Variants in APMAP observed in about 807,000 individuals in gnomAD.
APMAP encodes the protein adipocyte plasma membrane associated protein, also known as adipocyte plasma membrane-associated protein.
Under a neutral mutation model 43.6 loss-of-function variants are expected in APMAP, and 33 were observed. That is an observed-to-expected ratio of 0.76 (90% CI 0.57 to 1.01). The LOEUF (loss-of-function observed/expected upper bound fraction) is 1.01, where lower values mean the gene tolerates loss of function less well. Among genes scored for constraint, APMAP ranks in the 50% least tolerant of loss-of-function variants. The pLI is 0.00. For missense variants in APMAP, 498 were observed against 540.7 expected (o/e 0.92, Z 0.78); for synonymous variants, 224 against 216.7 (o/e 1.03, Z -0.30).
At chr20:24,971,646 G>T in intron 4 of APMAP, 70 bp from the exon 5 acceptor site, 1 of 1,253,532 alleles carries the variant, frequency 8.0e-7, no homozygotes, top group Non-Finnish European at 1.2e-6. Flanking sequence ...CAGTATCCAA[G>T]CATCTCATCC....
chr20:24,978,797 C>A lies in APMAP; in HGVS notation c.298G>T (p.Val100Phe), dbSNP rs1422281238. 1 of 1,601,958 alleles carries A rather than the reference C, an allele frequency of 6.2e-7. No individual in the cohort carries two copies. Among genetic ancestry groups the A allele is most frequent in the Non-Finnish European group, 8.5e-7 (1 of 1,172,388 alleles). ...ATATGTGCTATGGACTCCGGTCCAA[C>A]AAGTTGATTTTCAAACAGCCTTTCT... The part of the protein sequence containing the change: ...QAERLFENQL[V>F]GPESIAHIGD... Residue 100 changes from valine to phenylalanine, a missense_variant, in exon 3 of 9, where the codon GTT (valine) becomes TTT (phenylalanine). By Grantham distance (50) the Val-to-Phe change is conservative. Transcript: ENST00000217456.
At chr20:24,991,634 C>T (rs2088193211) in intron 1 of APMAP, among the ~76,000 whole-genome samples, 1 of 152,128 alleles carries the variant, frequency 6.6e-6, no homozygotes, top group South Asian at 2.1e-4. Context: ...ACCCCACCAC[C>T]TCTTGGCACA....
intron 8 of APMAP, chr20:24,964,326 C>T (rs371670309): frequency 1.6e-5 from 9 of 562,124 alleles, no homozygotes; most frequent in Non-Finnish European, 2.8e-5. Flanking sequence ...ATATCACATC[C>T]GACGTGGTCA....
At chr20:24,976,397 C>T (rs1369203543) in intron 3 of APMAP, among the ~76,000 whole-genome samples, 1 of 152,150 alleles carries the variant, frequency 6.6e-6, no homozygotes, top group Non-Finnish European at 1.5e-5. Flanking sequence ...CCTGAACAGA[C>T]ACATCACCAA....
chr20:24,966,334 A>G (rs186174570), intron 8 of APMAP, among the ~76,000 whole-genome samples: 107 of 152,340 alleles, frequency 7.0e-4, no homozygotes, highest in South Asian at 3.5e-3. Flanking sequence ...ATGGGAAACC[A>G]TAAGATGGCA....
At chr20:24,979,201 C>T (rs2088078795) in intron 2 of APMAP, among the ~76,000 whole-genome samples, 1 of 152,192 alleles carries the variant, frequency 6.6e-6, no homozygotes, top group African/African-American at 2.4e-5. Context: ...GGCAGCTGGA[C>T]CTCCTCACCC....
In APMAP at chr20:24,969,073, G is replaced by A; in HGVS notation, c.860C>T (p.Ser287Phe). 1 of 1,598,158 alleles carries A rather than the reference G, an allele frequency of 6.3e-7. No individual in the cohort carries two copies. Among genetic ancestry groups the A allele is most frequent in the Non-Finnish European group, 8.5e-7 (1 of 1,173,442 alleles). ...TMARIRRVYV[S>F]GLMKGGADLF... is the part of the protein sequence containing the mutation. ...ATCAGCCCCGCCCTTCATCAGGCCA[G>A]AAACGTAGACTCTGAAAAATTCACC... Residue 287 changes from serine to phenylalanine, a missense_variant, in exon 8 of 9, where the codon TCT becomes TTT. Physicochemically the swap from Ser to Phe is radical, Grantham distance 155 (BLOSUM62 -2). Transcript: ENST00000217456.
intron 1 of APMAP, among the ~76,000 whole-genome samples, chr20:24,989,751 G>C (rs995817373): frequency 2.6e-5 from 4 of 152,046 alleles, no homozygotes; most frequent in African/African-American, 9.7e-5. Context: ...CAAGAAACAA[G>C]TTTAAAAAGC....
intron 8 of APMAP, among the ~76,000 whole-genome samples, chr20:24,965,037 A>T (rs955857532): frequency 6.6e-6 from 1 of 152,060 alleles, no homozygotes; most frequent in Non-Finnish European, 1.5e-5. Context: ...TCTCACTATT[A>T]CAACTAGTCA....
Position 24,992,581 on chromosome 20 carries a change from G to C in APMAP, c.95+13C>G, listed in dbSNP as rs1600293959. On this transcript the variant is annotated intron_variant, in intron 1 of 8. Coordinates refer to ENST00000217456, the MANE Select transcript of APMAP (RefSeq NM_020531.3). ...GGCCCGGCTCCAGCGCCCAGTCTGGGAGTCCGCCCTACCTGCCGTCCTTAG... is the reference window on the plus strand; with the variant it reads ...GGCCCGGCTCCAGCGCCCAGTCTGGCAGTCCGCCCTACCTGCCGTCCTTAG... 1.3e-6 allele frequency: 2 copies of C among 1,524,736 alleles called. No homozygotes were observed. Among genetic ancestry groups the C allele is most frequent in the South Asian group, 1.2e-5 (1 of 81,816 alleles). The allele number at this position is 1,524,736 out of a possible 1,614,324, so 94.5% of individuals were successfully genotyped here. A position where few individuals can be genotyped will look rare whatever the true frequency, so the allele number is the denominator to read the frequency against.
chr20:24,992,629 G>A lies in APMAP; in HGVS notation c.60C>T (p.Asp20=). Residue 20 remains aspartate (D), a synonymous_variant, in exon 1 of 9, where the codon GAC becomes GAT. Coordinates refer to ENST00000217456, the MANE Select transcript of APMAP (RefSeq NM_020531.3). ...RRPLRPQVVT[D]DDGQAPEAKD... ...TAGCCTCCGGGGCCTGGCCATCATC[G>A]TCTGTGACGACCTGCGGCCGCAGGG... The A allele has an allele frequency of 1.3e-6, 2 of 1,571,522 alleles. No homozygotes were observed. The highest frequency in any genetic ancestry group is 1.7e-6 in the Non-Finnish European group (2 of 1,159,634).
chr20:24,988,218 C>A (rs1451672702), intron 1 of APMAP, among the ~76,000 whole-genome samples: 1 of 152,240 alleles, frequency 6.6e-6, no homozygotes, highest in Non-Finnish European at 1.5e-5. Context: ...CAAAACGCTA[C>A]TTTTTCCTTG....
intron 2 of APMAP, among the ~76,000 whole-genome samples, chr20:24,980,601 G>A (rs186168642): frequency 1.1e-4 from 14 of 129,212 alleles, no homozygotes; most frequent in African/African-American, 2.4e-4. Context: ...TCACCTCTAC[G>A]CGCCGGGCAG....
In APMAP at chr20:24,969,613, T is replaced by C. The variant is rs1360652548; in HGVS notation, c.761A>G (p.Asp254Gly). Residue 254 changes from aspartate to glycine, a missense_variant, in exon 7 of 9, where the codon GAC becomes GGC. By Grantham distance (94) the Asp-to-Gly change is moderately conservative (BLOSUM62 -1). Transcript: ENST00000217456. ...GACTCCATTCGGGAACCGCAGCTGGTCCAATAAAACTTTTACTTCCCTGGT... is the reference window on the plus strand; with the variant it reads ...GACTCCATTCGGGAACCGCAGCTGGCCCAATAAAACTTTTACTTCCCTGGT... ...TVTREVKVLL[D>G]QLRFPNGVQL... 1 of 1,614,078 alleles carries C rather than the reference T, an allele frequency of 6.2e-7. No individual in the cohort carries two copies. Among genetic ancestry groups the C allele is most frequent in the Admixed American group, 1.7e-5 (1 of 60,026 alleles).
rs1440409052 is a variant in APMAP, at chr20:24,971,459, C to T, written c.538+1G>A. 6.2e-7 allele frequency: 1 copy of T among 1,610,596 alleles called. No homozygotes were observed. The highest frequency in any genetic ancestry group is 1.1e-5 in the South Asian group (1 of 91,010). ...GAAGGAAACGAGATATTGTCACATACGTTTCCAGGGATTTACTTCAAATAG... is the reference window on the plus strand; with the variant it reads ...GAAGGAAACGAGATATTGTCACATATGTTTCCAGGGATTTACTTCAAATAG... On this transcript the variant is annotated splice_donor_variant, in intron 5 of 8. Transcript: ENST00000217456. LOFTEE classifies it high-confidence loss of function.
At chr20:24,964,676 G>A (rs1956916897) in intron 8 of APMAP, among the ~76,000 whole-genome samples, 1 of 152,194 alleles carries the variant, frequency 6.6e-6, no homozygotes, top group African/African-American at 2.4e-5. Context: ...AACAGATGGC[G>A]AGAGGCGTGA....
At chr20:24,976,566 C>T (rs1408186705) in intron 3 of APMAP, among the ~76,000 whole-genome samples, 2 of 152,240 alleles carry the variant, frequency 1.3e-5, no homozygotes, top group African/African-American at 4.8e-5. Flanking sequence ...CATGGAGCAT[C>T]AGGAACTCTC....
At chr20:24,978,251 C>T (rs1292408730) in intron 3 of APMAP, among the ~76,000 whole-genome samples, 1 of 152,186 alleles carries the variant, frequency 6.6e-6, no homozygotes, top group African/African-American at 2.4e-5. Context: ...TAGAACCAGA[C>T]CCAATTCTAG....
At chr20:24,975,196 AG>A (rs1164622244) in intron 3 of APMAP, among the ~76,000 whole-genome samples, 4 of 152,214 alleles carry the variant, frequency 2.6e-5, no homozygotes. Flanking sequence ...AGACATGAAA[AG>A]GAAACAAAAG....
Sources: allele counts gnomAD v4.1 joint callset (sites outside exome capture counted in the v4.1 genomes callset), GRCh38; gene constraint gnomAD v4.1.1; transcripts MANE v1.5; gene names NCBI Gene and HGNC (gene_info 2026-07-23, HGNC 2026-07-21).